The following RBM6 variants were observed in gnomAD, a reference collection of about 807,000 sequenced individuals.
RBM6 encodes the protein RNA binding motif protein 6.
RBM6 carries 23 observed loss-of-function variants against 140.4 expected under a neutral mutation model. The ratio of observed to expected loss-of-function variants is 0.16; its 90% CI spans 0.12 to 0.23. The LOEUF (loss-of-function observed/expected upper bound fraction) is 0.23. RBM6 is among the 10% of genes least tolerant of loss of function. The probability of loss-of-function intolerance (pLI) is 1.00; values close to 1 mark genes in which losing one functional copy is unlikely to be tolerated. For missense variants in RBM6, 1,139 were observed against 1,386.7 expected (o/e 0.82, Z 2.84); for synonymous variants, 439 against 475.6 (o/e 0.92, Z 1.00).
intron 5 of RBM6, among the ~76,000 whole-genome samples, chr3:49,993,644 A>G (rs371437124): frequency 2.6e-5 from 4 of 152,276 alleles, no homozygotes; most frequent in Non-Finnish European, 5.9e-5. Context: ...TCTGTCTCAA[A>G]AGAAAAAAAA....
intron 6 of RBM6, among the ~76,000 whole-genome samples, chr3:50,044,567 G>A (rs1371194475): frequency 1.3e-5 from 2 of 150,954 alleles, no homozygotes; most frequent in African/African-American, 4.9e-5. Context: ...TGGCGACAGA[G>A]CGAGACTCCG....
intron 6 of RBM6, among the ~76,000 whole-genome samples, chr3:50,028,200 C>T (rs895996018): frequency 3.3e-5 from 5 of 152,182 alleles, no homozygotes; most frequent in Middle Eastern, 3.4e-3. Flanking sequence ...TCCTTCCATT[C>T]CTTACAGATT....
intron 16 of RBM6, chr3:50,065,524 T>A: frequency 2.2e-6 from 1 of 458,714 alleles, no homozygotes; most frequent in South Asian, 1.6e-5. Flanking sequence ...GTCATTTTTT[T>A]ATAGTTTCTG....
intron 1 of RBM6, among the ~76,000 whole-genome samples, chr3:49,942,868 A>G (rs1173636963): frequency 6.6e-6 from 1 of 152,208 alleles, no homozygotes; most frequent in Non-Finnish European, 1.5e-5. Context: ...CTCAAAAAAA[A>G]AGAAAAAAAG....
intron 2 of RBM6, among the ~76,000 whole-genome samples, chr3:49,965,338 G>T (rs1032793710): frequency 6.6e-6 from 1 of 152,162 alleles, no homozygotes; most frequent in Admixed American, 6.5e-5. Context: ...GTATTTAGTG[G>T]TAACATCTTA....
At position 50,045,027 on chromosome 3, in the gene RBM6, T is replaced by G. The variant is rs192399362; in HGVS notation, c.1558-3218T>G. Among the ~76,000 whole-genome samples, 47 of 152,336 alleles carry G rather than the reference T, an allele frequency of 3.1e-4. No homozygotes were observed. In the East Asian group the frequency reaches 9.1e-3, roughly 29 times the overall value. ...CTATGTGCAGGTTGAGAAAAAGGAC[T>G]GCCCGAGTTATAGATGATTCTGTGA... On this transcript the variant is annotated intron_variant, in intron 6 of 20. Transcript: ENST00000266022.
At chr3:49,990,375 G>A (rs1003711586) in intron 5 of RBM6, among the ~76,000 whole-genome samples, 1 of 152,284 alleles carries the variant, frequency 6.6e-6, no homozygotes, top group Admixed American at 6.5e-5. Context: ...AAAAGGTAAT[G>A]CATTGTGCCA....
At position 50,065,028 on chromosome 3, in the gene RBM6, C is replaced by T. The variant is rs750114883; in HGVS notation, c.2587-3C>T. 3.1e-6 allele frequency: 5 copies of T among 1,609,660 alleles called. No individual in the cohort carries two copies. The highest frequency in any genetic ancestry group is 4.3e-6 in the Non-Finnish European group (5 of 1,176,110). Reference sequence around the variant, plus strand: ...ATGTGAGAGTTACCTCTGGTTTGATCAGTTTCAGGAAAATGCCAGTGAAGG... The same window carrying T: ...ATGTGAGAGTTACCTCTGGTTTGATTAGTTTCAGGAAAATGCCAGTGAAGG... On this transcript the variant is annotated splice_region_variant and splice_polypyrimidine_tract_variant and intron_variant, in intron 15 of 20. Transcript: ENST00000266022.
intron 2 of RBM6, among the ~76,000 whole-genome samples, chr3:49,964,085 T>G (rs1395219117): frequency 6.6e-6 from 1 of 152,014 alleles, no homozygotes; most frequent in Non-Finnish European, 1.5e-5. Context: ...ATTTTTTTTT[T>G]TAGTAGAGAT....
chr3:49,993,353 T>C (rs1164196471), intron 5 of RBM6, among the ~76,000 whole-genome samples: 1 of 152,128 alleles, frequency 6.6e-6, no homozygotes, highest in African/African-American at 2.4e-5. Context: ...ACGTGTAGTT[T>C]TTGAAAATTT....
chr3:49,958,517 A>G (rs2084116684), intron 1 of RBM6, among the ~76,000 whole-genome samples: 2 of 152,048 alleles, frequency 1.3e-5, no homozygotes, highest in African/African-American at 2.4e-5. Flanking sequence ...CGGAGCTTGC[A>G]GTGAGCCAAG....
intron 7 of RBM6, among the ~76,000 whole-genome samples, chr3:50,049,211 C>T (rs773395039): frequency 4.0e-5 from 6 of 150,360 alleles, no homozygotes; most frequent in Admixed American, 1.3e-4. Flanking sequence ...CGGGTTCAAA[C>T]GATTCTCCTG....
intron 5 of RBM6, among the ~76,000 whole-genome samples, chr3:49,994,044 G>A (rs755118158): frequency 4.6e-5 from 7 of 152,188 alleles, no homozygotes; most frequent in South Asian, 2.1e-4. Context: ...CCTAATTTTC[G>A]TAATTCGAGT....
chr3:50,058,172 A>G (rs1451303761), intron 9 of RBM6, among the ~76,000 whole-genome samples, 169 bp downstream of exon 9: 3 of 152,222 alleles, frequency 2.0e-5, no homozygotes, highest in African/African-American at 7.2e-5. Context: ...GCTTAAAGGA[A>G]TCTATGCCCT....
At chr3:50,032,626 A>G (rs547193760) in intron 6 of RBM6, among the ~76,000 whole-genome samples, 47 of 152,168 alleles carry the variant, frequency 3.1e-4, no homozygotes, top group African/African-American at 1.1e-3. Context: ...AACATTAATT[A>G]TTCTTATAAT....
intron 17 of RBM6, 61 bp downstream of exon 17, chr3:50,066,563 C>A: frequency 1.3e-6 from 2 of 1,563,208 alleles, no homozygotes; most frequent in Admixed American, 1.7e-5. Flanking sequence ...CTTTGTGGCT[C>A]ATGCCTGTAA....
intron 19 of RBM6, 24 bp downstream of exon 19, chr3:50,070,576 G>C (rs556399444): frequency 1.9e-6 from 3 of 1,554,612 alleles, no homozygotes; most frequent in Non-Finnish European, 2.7e-6. Context: ...TCTTCATTCA[G>C]CCTAGGCCTC....
chr3:50,007,063 T>C (rs2108756151), intron 6 of RBM6, among the ~76,000 whole-genome samples: 1 of 151,884 alleles, frequency 6.6e-6, no homozygotes, highest in East Asian at 1.9e-4. Flanking sequence ...ATGGAGTATA[T>C]GGCAAAAAGA....
intron 6 of RBM6, among the ~76,000 whole-genome samples, chr3:50,025,765 A>T (rs573203139): frequency 2.6e-5 from 4 of 151,664 alleles, no homozygotes; most frequent in Admixed American, 1.3e-4. Context: ...ATAGTTGTTC[A>T]ACAGCTATTG....
Sources: gnomAD v4.1 joint callset for allele counts (sites outside exome capture counted in the v4.1 genomes callset) on GRCh38, gnomAD v4.1.1 for gene constraint, MANE v1.5 for transcripts, NCBI Gene and HGNC (gene_info 2026-07-23, HGNC 2026-07-21) for gene names.